DPYD: variants seen among roughly 807,000 people sequenced by gnomAD.
DPYD encodes the protein dihydropyrimidine dehydrogenase [NADP(+)].
A neutral mutation model predicts 116.2 loss-of-function variants in DPYD; 109 were observed. The ratio of observed to expected loss-of-function variants is 0.94; its 90% CI spans 0.80 to 1.10. The LOEUF (loss-of-function observed/expected upper bound fraction) is 1.10. DPYD is among the 50% of genes least tolerant of loss of function. The pLI is 0.00. For synonymous variants in DPYD, 440 were observed against 432.0 expected, an observed-to-expected ratio of 1.02 and a Z score of -0.23; for missense variants, 1,302 against 1,254.5, an observed-to-expected ratio of 1.04 and a Z score of -0.57.
intron 16 of DPYD, among the ~76,000 whole-genome samples, chr1:97,372,649 G>T (rs1671364179): frequency 6.6e-6 from 1 of 151,842 alleles, no homozygotes; most frequent in African/African-American, 2.4e-5. Flanking sequence ...CTAATACAAA[G>T]ATAGCAATCT....
intron 14 of DPYD, among the ~76,000 whole-genome samples, chr1:97,416,681 T>G (rs1674307775): frequency 6.6e-6 from 1 of 152,168 alleles, no homozygotes; most frequent in Non-Finnish European, 1.5e-5. Flanking sequence ...TGTCTGGAAA[T>G]CATTAGGGAT....
Position 97,875,006 on chromosome 1 carries a change from G to A in DPYD, c.150+8258C>T, listed in dbSNP as rs923983038. Reference sequence around the variant, plus strand: ...ATGCATCAGAGAATTGATCAAATATGGCAAGTACCACAATGACATAATGAT... The same window carrying A: ...ATGCATCAGAGAATTGATCAAATATAGCAAGTACCACAATGACATAATGAT... On this transcript the variant is annotated intron_variant, in intron 2 of 22. Coordinates refer to ENST00000370192, the MANE Select transcript of DPYD (RefSeq NM_000110.4). 2.6e-5 allele frequency among the ~76,000 whole-genome samples: 4 copies of A among 151,716 alleles called. No homozygotes were observed. In the East Asian group the frequency reaches 7.8e-4, roughly 30 times the overall value.
intron 8 of DPYD, among the ~76,000 whole-genome samples, chr1:97,595,368 G>A (rs1347430638): frequency 6.6e-6 from 1 of 151,796 alleles, no homozygotes; most frequent in Non-Finnish European, 1.5e-5. Flanking sequence ...ATATAACCAA[G>A]TACACATCGT....
intron 8 of DPYD, among the ~76,000 whole-genome samples, chr1:97,653,867 G>T (rs144290245): frequency 0.013 from 1,932 of 152,168 alleles, 23 homozygotes; most frequent in Non-Finnish European, 0.022. Context: ...TAAACATAAG[G>T]TATGGTCCTT....
chr1:97,867,991 T>C (rs541211007), intron 2 of DPYD, among the ~76,000 whole-genome samples: 4 of 151,686 alleles, frequency 2.6e-5, no homozygotes, highest in Admixed American at 6.6e-5. Context: ...ACACCAAAAA[T>C]AGTTCAAACT....
intron 18 of DPYD, among the ~76,000 whole-genome samples, chr1:97,302,686 C>T (rs910251132): frequency 6.6e-6 from 1 of 151,870 alleles, no homozygotes; most frequent in African/African-American, 2.4e-5. Context: ...TTGAAGTTAA[C>T]TAAGTAAAAA....
At chr1:97,636,695 C>G (rs765422284) in intron 8 of DPYD, among the ~76,000 whole-genome samples, 2 of 152,140 alleles carry the variant, frequency 1.3e-5, no homozygotes, top group African/African-American at 4.8e-5. Flanking sequence ...GAGATCAACA[C>G]AGCTTTACAA....
chr1:97,545,007 T>A (rs1208729543), intron 12 of DPYD, among the ~76,000 whole-genome samples: 1 of 152,138 alleles, frequency 6.6e-6, no homozygotes, highest in Non-Finnish European at 1.5e-5. Flanking sequence ...TCAGTAAGAT[T>A]TCTGGTCAAT....
chr1:97,125,706 T>C (rs1652782173), intron 20 of DPYD, among the ~76,000 whole-genome samples: 2 of 152,018 alleles, frequency 1.3e-5, no homozygotes, highest in South Asian at 4.1e-4. Flanking sequence ...ATTAATGCCT[T>C]CATAAAAAAG....
intron 20 of DPYD, among the ~76,000 whole-genome samples, chr1:97,101,555 T>C (rs541233601): frequency 6.7e-5 from 10 of 149,918 alleles, no homozygotes; most frequent in Admixed American, 2.0e-4. Flanking sequence ...GATGAATGCA[T>C]AGTTGGCCAC....
intron 20 of DPYD, among the ~76,000 whole-genome samples, chr1:97,110,753 T>C (rs1165501620): frequency 6.6e-6 from 1 of 152,110 alleles, no homozygotes; most frequent in Non-Finnish European, 1.5e-5. Context: ...TTGAAATGCT[T>C]CCATAATGAA....
At chr1:97,779,590 T>C (rs1423469955) in intron 3 of DPYD, among the ~76,000 whole-genome samples, 1 of 152,162 alleles carries the variant, frequency 6.6e-6, no homozygotes, top group Non-Finnish European at 1.5e-5. Context: ...TATTCTTCTC[T>C]ATGGATCCAG....
At chr1:97,207,123 G>A (rs1203556806) in intron 19 of DPYD, among the ~76,000 whole-genome samples, 5 of 151,918 alleles carry the variant, frequency 3.3e-5, no homozygotes, top group Non-Finnish European at 5.9e-5. Flanking sequence ...CTTATTCAAT[G>A]GATGAATACA....
rs1350668044 is a variant in DPYD at position 97,323,384 on chromosome 1, ACACG to A, written c.2059-17091_2059-17088del. ...CACGTATGTATACATGTGTATATGT[ACACG>A]TATGTATACATATGTGTATATGTAC... On this transcript the variant is annotated intron_variant, in intron 16 of 22. Transcript: ENST00000370192. 1.1e-3 allele frequency among the ~76,000 whole-genome samples: 122 copies of A among 115,804 alleles called. 18 individuals are homozygous for A. The South Asian group carries it at 0.015, about 14-fold the overall frequency. The allele number at this position is 115,804 out of a possible 152,430, so 76.0% of individuals were successfully genotyped here. A position where few individuals can be genotyped will look rare whatever the true frequency, so the allele number is the denominator to read the frequency against.
intron 16 of DPYD, among the ~76,000 whole-genome samples, chr1:97,309,574 T>C (rs1277807040): frequency 6.6e-6 from 1 of 151,634 alleles, no homozygotes; most frequent in East Asian, 1.9e-4. Context: ...CAGAGCAGAC[T>C]TGTGAAGTGC....
At chr1:97,633,564 C>T (rs1657395561) in intron 8 of DPYD, among the ~76,000 whole-genome samples, 2 of 152,006 alleles carry the variant, frequency 1.3e-5, no homozygotes, top group African/African-American at 2.4e-5. Flanking sequence ...CCCCACAACA[C>T]ATTATTAAGA....
chr1:97,389,605 G>A (rs1304129111), intron 14 of DPYD, among the ~76,000 whole-genome samples: 2 of 151,866 alleles, frequency 1.3e-5, no homozygotes, highest in Non-Finnish European at 2.9e-5. Context: ...CTCCTGAAAA[G>A]CCATTCTTTT....
intron 20 of DPYD, among the ~76,000 whole-genome samples, chr1:97,147,734 G>A (rs828057): frequency 0.18 from 27,155 of 152,044 alleles, 2,475 homozygotes; most frequent in East Asian, 0.29. Context: ...TGTCCTCTAC[G>A]TCCTTAGCCC....
intron 2 of DPYD, among the ~76,000 whole-genome samples, chr1:97,866,834 G>A (rs1671405389): frequency 6.6e-6 from 1 of 151,764 alleles, no homozygotes; most frequent in South Asian, 2.1e-4. Context: ...TAAAGAAAAG[G>A]TAGTGCAAAT....
Sources: gnomAD v4.1 joint callset for allele counts (sites outside exome capture counted in the v4.1 genomes callset) on GRCh38, gnomAD v4.1.1 for gene constraint, MANE v1.5 for transcripts, NCBI Gene and HGNC (gene_info 2026-07-23, HGNC 2026-07-21) for gene names.